Variants in ROCK1 observed in about 807,000 individuals in gnomAD.
ROCK1 encodes Rho associated coiled-coil containing protein kinase 1.
A neutral mutation model predicts 196.8 loss-of-function variants in ROCK1; 36 were observed. The observed-to-expected ratio is 0.18, with a 90% CI of 0.14 to 0.24. The LOEUF is 0.24. Ranked by LOEUF, ROCK1 falls within the 10% of genes least tolerant of loss-of-function variation. ROCK1 has a pLI of 1.00. For missense variants in ROCK1, 920 were observed against 1,562.0 expected (o/e 0.59, Z 6.93); for synonymous variants, 443 against 515.9 (o/e 0.86, Z 1.91).
At chr18:21,107,039 G>C (rs1163918413) in intron 1 of ROCK1, among the ~76,000 whole-genome samples, 1 of 152,160 alleles carries the variant, frequency 6.6e-6, no homozygotes, top group Non-Finnish European at 1.5e-5. Flanking sequence ...GTCTAAATAA[G>C]AAATTCATTT....
At position 21,015,473 on chromosome 18, in the gene ROCK1, T is replaced by G. The variant is rs1375383727; in HGVS notation, c.1368A>C (p.Ser456=). The part of the protein sequence containing the change: ...KDEMEQKCRT[S]NIKLDKIMKE... ...TCATTATCTTGTCTAGTTTTATGTT[T>G]GAGGTTCTGTAAAAACAAAAGCAAT... Residue 456 remains serine, a synonymous_variant, in exon 13 of 33, where the codon TCA becomes TCC. Coordinates refer to ENST00000399799, the MANE Select transcript of ROCK1 (RefSeq NM_005406.3). The G allele has an allele frequency of 6.4e-7, 1 of 1,556,300 alleles. No homozygotes were observed. Among genetic ancestry groups the G allele is most frequent in the African/African-American group, 1.4e-5 (1 of 74,002 alleles).
intron 1 of ROCK1, among the ~76,000 whole-genome samples, chr18:21,086,098 T>C (rs1054549112): frequency 5.0e-5 from 7 of 138,994 alleles, no homozygotes; most frequent in African/African-American, 1.4e-4. Context: ...TGGTTAGTAG[T>C]AGTATGGAAA....
intron 13 of ROCK1, among the ~76,000 whole-genome samples, chr18:21,013,998 G>A (rs1490375952): frequency 4.6e-5 from 7 of 151,330 alleles, no homozygotes; most frequent in African/African-American, 1.7e-4. Flanking sequence ...CCCGGGAGGC[G>A]GAGCTTGCAG....
chr18:20,959,121 AT>A (rs1568367475), intron 29 of ROCK1, among the ~76,000 whole-genome samples: 179 of 52,068 alleles, frequency 3.4e-3, no homozygotes, highest in Non-Finnish European at 4.9e-3. Flanking sequence ...ATATTATATA[AT>A]ATATATATTA....
At chr18:21,045,031 T>G (rs898924360) in intron 5 of ROCK1, 145 of 220,944 alleles carry the variant, frequency 6.6e-4, no homozygotes, top group African/African-American at 1.6e-3. Context: ...TGTGTTTTTT[T>G]TTTTTTTTTT....
chr18:21,091,887 T>C (rs570669950), intron 1 of ROCK1, among the ~76,000 whole-genome samples: 1 of 150,090 alleles, frequency 6.7e-6, no homozygotes, highest in Admixed American at 6.7e-5. Context: ...CAAGGATCAG[T>C]TGAACCGGGG....
intron 1 of ROCK1, among the ~76,000 whole-genome samples, chr18:21,077,908 T>C (rs2036447951): frequency 6.6e-6 from 1 of 152,212 alleles, no homozygotes; most frequent in East Asian, 1.9e-4. Context: ...AAACATTAGC[T>C]GAATACAAGC....
At chr18:21,076,674 CA>C (rs1366762559) in intron 1 of ROCK1, among the ~76,000 whole-genome samples, 1 of 5,210 alleles carries the variant, frequency 1.9e-4, no homozygotes, top group African/African-American at 2.7e-4. Flanking sequence ...TTGGTACATA[CA>C]CACACACACA....
At position 21,015,575 on chromosome 18, in the gene ROCK1, T is replaced by A. The variant is rs2035855532; in HGVS notation, c.1362-96A>T. 1.4e-5 allele frequency: 11 copies of A among 761,998 alleles called. No individual in the cohort carries two copies. In the South Asian group the frequency reaches 1.8e-4, roughly 12 times the overall value. The allele number at this position is 761,998 out of a possible 1,614,324, so 47.2% of individuals were successfully genotyped here. ...TCCTTACTTTTCCACTTAACTAGAGTTTTGTATCCTTTCTTGGTGCCATGG... is the reference window on the plus strand; with the variant it reads ...TCCTTACTTTTCCACTTAACTAGAGATTTGTATCCTTTCTTGGTGCCATGG... On this transcript the variant is annotated intron_variant, in intron 12 of 32. Transcript: ENST00000399799.
intron 3 of ROCK1, 107 bp from the exon 4 acceptor site, chr18:21,049,336 C>T (rs116890056): frequency 1.2e-6 from 1 of 849,098 alleles, no homozygotes; most frequent in Non-Finnish European, 1.7e-6. Flanking sequence ...AATAATTTAG[C>T]CTTACTGTTT....
chr18:21,027,750 ATTTTTTTTTT>A (rs751964514), intron 10 of ROCK1, among the ~76,000 whole-genome samples: 4 of 95,324 alleles, frequency 4.2e-5, no homozygotes, highest in Admixed American at 2.4e-4. Context: ...GAATCACTTA[ATTTTTTTTTT>A]TTTTTTTTTT....
At chr18:21,039,427 A>G (rs1230876633) in intron 9 of ROCK1, 45 bp downstream of exon 9, 6 of 1,368,508 alleles carry the variant, frequency 4.4e-6, no homozygotes, top group East Asian at 2.3e-5. Context: ...TACCACAACT[A>G]CTTTCAAATA....
chr18:21,098,391 T>C (rs1368273575), intron 1 of ROCK1, among the ~76,000 whole-genome samples: 3 of 152,132 alleles, frequency 2.0e-5, no homozygotes, highest in African/African-American at 7.2e-5. Flanking sequence ...AAGATAAAAT[T>C]GGATGTATCT....
At chr18:21,087,979 A>G (rs1286484663) in intron 1 of ROCK1, among the ~76,000 whole-genome samples, 3 of 152,240 alleles carry the variant, frequency 2.0e-5, no homozygotes, top group African/African-American at 4.8e-5. Flanking sequence ...TTTGACCAAA[A>G]TGTACAAACT....
chr18:21,012,578 T>G (rs1265495121), intron 13 of ROCK1, among the ~76,000 whole-genome samples: 1 of 152,184 alleles, frequency 6.6e-6, no homozygotes, highest in Non-Finnish European at 1.5e-5. Context: ...TGTCATTAAT[T>G]TTCAGAAATC....
chr18:20,975,180 AT>A (rs1316340229), intron 22 of ROCK1, among the ~76,000 whole-genome samples: 2 of 152,248 alleles, frequency 1.3e-5, no homozygotes, highest in African/African-American at 4.8e-5. Flanking sequence ...GCAGAGAAAA[AT>A]AAAATAGGGA....
At position 21,111,414 on chromosome 18, in the gene ROCK1, A is replaced by G. The variant is rs1163782211; in HGVS notation, c.-504T>C. 5.8e-5 allele frequency: 21 copies of G among 364,958 alleles called. No individual in the cohort carries two copies. In the South Asian group the frequency reaches 1.7e-3, roughly 30 times the overall value. The allele number at this position is 364,958 out of a possible 1,614,324, so 22.6% of individuals were successfully genotyped here. The stretch of plus-strand genomic sequence containing the variant: ...GCCACGGGCCGGGCCCGCTCCGCTC[A>G]GAGGCGCTGTAGACGGTCTAGCCCC... On this transcript the variant is annotated 5_prime_UTR_variant, in exon 1 of 33. Coordinates refer to ENST00000399799, the MANE Select transcript of ROCK1 (RefSeq NM_005406.3). This position sits in a 1 kb window ranked among gnomAD's most constrained non-coding sequence, Gnocchi z 4.2.
At chr18:21,021,617 T>C (rs534040435) in intron 11 of ROCK1, among the ~76,000 whole-genome samples, 1 of 152,338 alleles carries the variant, frequency 6.6e-6, no homozygotes, top group Non-Finnish European at 1.5e-5. Context: ...ATAGCATCTC[T>C]GCTAGGTTTT....
chr18:21,111,410 G>A lies in ROCK1; in HGVS notation c.-500C>T. ...TCGGGCCACGGGCCGGGCCCGCTCCGCTCAGAGGCGCTGTAGACGGTCTAG... is the reference window on the plus strand; with the variant it reads ...TCGGGCCACGGGCCGGGCCCGCTCCACTCAGAGGCGCTGTAGACGGTCTAG... On this transcript the variant is annotated 5_prime_UTR_variant, in exon 1 of 33. Coordinates refer to ENST00000399799, the MANE Select transcript of ROCK1 (RefSeq NM_005406.3). This position sits in a 1 kb window ranked among gnomAD's most constrained non-coding sequence, Gnocchi z 4.2. The A allele has an allele frequency of 2.7e-6, 1 of 367,422 alleles. No individual in the cohort carries two copies. The highest frequency in any genetic ancestry group is 4.9e-6 in the Non-Finnish European group (1 of 205,472). 22.8% of individuals were successfully genotyped at this position (367,422 alleles called of 1,614,324 possible). A position where few individuals can be genotyped will look rare whatever the true frequency, so the allele number is the denominator to read the frequency against.
Sources: allele counts gnomAD v4.1 joint callset (sites outside exome capture counted in the v4.1 genomes callset), GRCh38; gene constraint gnomAD v4.1.1; non-coding constraint Gnocchi (gnomAD v3.1); transcripts MANE v1.5; gene names NCBI Gene and HGNC (gene_info 2026-07-23, HGNC 2026-07-21).